The following AGBL1 variants were observed in gnomAD, a reference collection of about 807,000 sequenced individuals.
The protein encoded by AGBL1 is AGBL carboxypeptidase 1.
In AGBL1, 130 loss-of-function variants were observed where a neutral mutation model predicts 118.9. The ratio of observed to expected loss-of-function variants is 1.09; its 90% CI spans 0.95 to 1.26. The LOEUF is 1.26. Ranked by LOEUF, AGBL1 falls within the 50% of genes most tolerant of loss-of-function variation. AGBL1 has a pLI of 0.00. For missense variants in AGBL1, 1,584 were observed against 1,298.1 expected (o/e 1.22, Z -3.38); for synonymous variants, 555 against 478.9 (o/e 1.16, Z -2.08).
chr15:86,936,213 C>T (rs944976409), intron 23 of AGBL1, among the ~76,000 whole-genome samples: 3 of 150,986 alleles, frequency 2.0e-5, no homozygotes, highest in African/African-American at 7.3e-5. Flanking sequence ...AAATGCATTG[C>T]CAAATTGTAA....
chr15:86,446,194 C>A (rs1290647613), intron 18 of AGBL1, among the ~76,000 whole-genome samples: 2 of 152,240 alleles, frequency 1.3e-5, no homozygotes, highest in Non-Finnish European at 2.9e-5. Flanking sequence ...TCCTGTCCCT[C>A]ACATCTCTCT....
chr15:87,000,778 G>A (rs1382967252), intron 24 of AGBL1, among the ~76,000 whole-genome samples: 1 of 139,908 alleles, frequency 7.1e-6, no homozygotes, highest in Non-Finnish European at 1.5e-5. Context: ...GTCATTGGTA[G>A]CTTGATGGGG....
rs370540437 is a variant in AGBL1, at chr15:86,264,921, A to G, written c.1667+83A>G. On this transcript the variant is annotated intron_variant, in intron 11 of 22. Transcript: ENST00000614907. ...TAAAATGGTTTGTACAGATAATTCT[A>G]CTATCTATAGGAAAGAGAGCATTAA... 1.2e-5 allele frequency: 15 copies of G among 1,255,262 alleles called. No individual in the cohort carries two copies. The Admixed American group carries it at 2.2e-4, about 18-fold the overall frequency. 77.8% of individuals were successfully genotyped at this position (1,255,262 alleles called of 1,614,324 possible).
chr15:86,852,675 C>T (rs189039404), intron 22 of AGBL1, among the ~76,000 whole-genome samples: 30 of 152,264 alleles, frequency 2.0e-4, no homozygotes, highest in Admixed American at 1.4e-3. Context: ...AGGCCTATGG[C>T]TGGTTACCCC....
rs149591553 is a variant in AGBL1, at chr15:86,789,999, C to A, written c.3158+115563C>A. 1.4e-4 allele frequency among the ~76,000 whole-genome samples: 22 copies of A among 152,248 alleles called. No homozygotes were observed. The East Asian group carries it at 4.3e-3, about 29-fold the overall frequency. On this transcript the variant is annotated intron_variant, in intron 22 of 22. Transcript: ENST00000614907. ...TTCCACTACTTTTGCTTTCTCTTAT[C>A]TGATTTCTTAAAACTCAGCAGTATT... is the stretch of plus-strand genomic sequence containing the variant.
At chr15:86,318,374 G>A (rs1309208301) in intron 17 of AGBL1, among the ~76,000 whole-genome samples, 1 of 151,460 alleles carries the variant, frequency 6.6e-6, no homozygotes, top group African/African-American at 2.4e-5. Context: ...TTTTCTGTCT[G>A]TTTTTTGATT....
chr15:86,816,250 C>G (rs12909754), intron 22 of AGBL1, among the ~76,000 whole-genome samples: 57,582 of 152,064 alleles, frequency 0.38, 12,633 homozygotes, highest in Non-Finnish European at 0.52. Context: ...GGTAAAAGGA[C>G]CAAGAGAGCC....
intron 24 of AGBL1, among the ~76,000 whole-genome samples, chr15:86,995,332 G>C (rs1567277620): frequency 6.6e-6 from 1 of 152,134 alleles, no homozygotes; most frequent in Non-Finnish European, 1.5e-5. Context: ...GCTGTAGTGA[G>C]CCTGGATGGT....
At chr15:86,299,015 TA>T (rs889890819) in intron 17 of AGBL1, among the ~76,000 whole-genome samples, 1 of 152,224 alleles carries the variant, frequency 6.6e-6, no homozygotes, top group Admixed American at 6.5e-5. Context: ...ATTTTCTTTT[TA>T]AAGTTATTTT....
intron 17 of AGBL1, among the ~76,000 whole-genome samples, chr15:86,377,146 G>C (rs1280293252): frequency 2.6e-5 from 4 of 152,192 alleles, no homozygotes; most frequent in Admixed American, 1.3e-4. Context: ...TGCAGTCTCA[G>C]ATACTTGATT....
chr15:86,609,388 C>T (rs2084627343), intron 21 of AGBL1, among the ~76,000 whole-genome samples: 2 of 152,196 alleles, frequency 1.3e-5, no homozygotes, highest in South Asian at 2.1e-4. Context: ...GATACCAAAG[C>T]TGAGAATCAC....
chr15:86,295,626 TGTCC>T (rs1431132378), intron 17 of AGBL1: 1 of 392,798 alleles, frequency 2.5e-6, no homozygotes, highest in African/African-American at 2.1e-5. Context: ...GAATTCAAAC[TGTCC>T]GGCAGATGAA....
intron 1 of AGBL1, among the ~76,000 whole-genome samples, chr15:86,112,591 C>T (rs369799703): frequency 1.3e-5 from 2 of 152,176 alleles, no homozygotes; most frequent in South Asian, 4.1e-4. Context: ...TTGTCTCCAT[C>T]CCTTGGGAAT....
chr15:86,602,953 C>G (rs562497404), intron 21 of AGBL1, among the ~76,000 whole-genome samples: 11 of 152,264 alleles, frequency 7.2e-5, no homozygotes, highest in African/African-American at 2.6e-4. Context: ...AATCAGGCCT[C>G]TCACCCTGGC....
intron 5 of AGBL1, among the ~76,000 whole-genome samples, chr15:86,216,087 T>C (rs1005308314): frequency 1.3e-5 from 2 of 152,234 alleles, no homozygotes; most frequent in Non-Finnish European, 2.9e-5. Context: ...TTGACGTTTG[T>C]ATGTTAATCT....
chr15:86,645,174 A>G (rs1004847534), intron 21 of AGBL1, among the ~76,000 whole-genome samples: 1 of 152,218 alleles, frequency 6.6e-6, no homozygotes, highest in Non-Finnish European at 1.5e-5. Flanking sequence ...GGTTATATAG[A>G]AGAATATTCT....
At chr15:86,728,424 C>T (rs888230169) in intron 22 of AGBL1, among the ~76,000 whole-genome samples, 1 of 152,158 alleles carries the variant, frequency 6.6e-6, no homozygotes, top group Non-Finnish European at 1.5e-5. Flanking sequence ...TCCACAACTG[C>T]CCAGGCTTAG....
At chr15:86,514,973 T>G (rs2083101601) in intron 18 of AGBL1, among the ~76,000 whole-genome samples, 1 of 152,192 alleles carries the variant, frequency 6.6e-6, no homozygotes, top group South Asian at 2.1e-4. Flanking sequence ...CCTCTTTTTT[T>G]ACATAGTTGC....
intron 19 of AGBL1, among the ~76,000 whole-genome samples, chr15:86,533,792 A>T (rs2083383084): frequency 8.8e-6 from 1 of 113,610 alleles, no homozygotes; most frequent in Non-Finnish European, 1.6e-5. Flanking sequence ...ATAAAAAATG[A>T]TGAGTTCATG....
Sources: allele counts gnomAD v4.1 joint callset (sites outside exome capture counted in the v4.1 genomes callset), GRCh38; gene constraint gnomAD v4.1.1; transcripts MANE v1.5; gene names NCBI Gene and HGNC (gene_info 2026-07-23, HGNC 2026-07-21).